The following HPS1 variants were observed in gnomAD, a reference collection of about 807,000 sequenced individuals.
HPS1 encodes the protein HPS1 biogenesis of lysosomal organelles complex 3 subunit 1.
A neutral mutation model predicts 90.6 loss-of-function variants in HPS1; 59 were observed. The observed-to-expected ratio is 0.65, with a 90% CI of 0.53 to 0.81. The LOEUF is 0.81. HPS1 is among the 30% of genes least tolerant of loss of function. The pLI, the probability that HPS1 is intolerant of heterozygous loss-of-function variation, is 0.00. For synonymous variants in HPS1, 388 were observed against 384.4 expected (o/e 1.01, Z -0.11); for missense variants, 849 against 896.7 (o/e 0.95, Z 0.68).
chr10:98,430,729 C>A, intron 7 of HPS1, 59 bp from the exon 8 acceptor site: 1 of 1,413,312 alleles, frequency 7.1e-7, no homozygotes, highest in Non-Finnish European at 9.7e-7. Flanking sequence ...ACGGGGCAGG[C>A]AGGTTAAAGG....
At position 98,423,762 on chromosome 10, in the gene HPS1, C is replaced by T. The variant is rs1238796554; in HGVS notation, c.1523G>A (p.Arg508Lys). 23 of 1,614,038 alleles carry T rather than the reference C, an allele frequency of 1.4e-5. No individual in the cohort carries two copies. In the East Asian group the frequency reaches 5.1e-4, roughly 36 times the overall value. Reference sequence around the variant, plus strand: ...GCCGCACTGCACTTACCGCATGAGCCTCTGCACTTGGTCCTGCAGGTGCTG... The same window carrying T: ...GCCGCACTGCACTTACCGCATGAGCTTCTGCACTTGGTCCTGCAGGTGCTG... ...LPQHLQDQVQ[R>K]LMREKLTDWK... The change falls in exon 15 of 20, where the codon AGG becomes AAG. Residue 508 changes from arginine (R) to lysine (K), a missense_variant. Transcript: ENST00000361490.
rs1845533202 is a variant in HPS1 at position 98,425,831 on chromosome 10, A to T, written c.1142T>A (p.Val381Glu). 6.2e-7 allele frequency: 1 copy of T among 1,613,746 alleles called. No individual in the cohort carries two copies. The highest frequency in any genetic ancestry group is 1.7e-5 in the Admixed American group (1 of 59,996). The change falls in exon 12 of 20, where the codon GTG (valine) becomes GAG (glutamate). Residue 381 changes from valine to glutamate, a missense_variant. Coordinates refer to ENST00000361490, the MANE Select transcript of HPS1 (RefSeq NM_000195.5). ...GGGCTCTCCTACCCTGGTCAGGAGC[A>T]CCAGGTTGATGCCCTGCCACAGGGG... The part of the protein sequence containing the change: ...CLPLWQGINL[V>E]LLTRSPSAPL...
intron 3 of HPS1, chr10:98,442,896 C>T: frequency 1.7e-6 from 1 of 580,130 alleles, no homozygotes; most frequent in East Asian, 3.0e-5. Context: ...CTCATTTAGT[C>T]CAGAGAGGAC....
In HPS1 at chr10:98,422,386, C is replaced by T. The variant is rs1564831743; in HGVS notation, c.1726G>A (p.Ala576Thr). The T allele has an allele frequency of 1.2e-6, 2 of 1,614,020 alleles. No homozygotes were observed. Among genetic ancestry groups the T allele is most frequent in the Non-Finnish European group, 8.5e-7 (1 of 1,180,000 alleles). ...ATGGTTACCTTAGTTTTGACAAAGG[C>T]AGCCAGCGGCCCCTTGCCCAACTCC... ...SSELGKGPLA[A>T]FVKTKVWSLI... is the part of the protein sequence containing the mutation. The change falls in exon 17 of 20, where the codon GCC becomes ACC. Residue 576 changes from alanine (A) to threonine (T), a missense_variant. Physicochemically the swap from Ala to Thr is moderately conservative, Grantham distance 58. Transcript: ENST00000361490.
At chr10:98,433,392 T>C (rs1846800166) in intron 6 of HPS1, among the ~76,000 whole-genome samples, 1 of 152,208 alleles carries the variant, frequency 6.6e-6, no homozygotes. Flanking sequence ...AAAGAGAATT[T>C]GGTTTACCTC....
downstream of HPS1, chr10:98,414,220 T>C (rs1843889001): frequency 6.6e-6 from 1 of 152,110 alleles, no homozygotes; most frequent in African/African-American, 2.4e-5. Context: ...CAAAGCTGCA[T>C]GTTGAGTGCC....
chr10:98,429,858 T>C lies in HPS1; in HGVS notation c.800A>G (p.Asn267Ser). Residue 267 changes from asparagine to serine, a missense_variant, in exon 9 of 20, where the codon AAC becomes AGC. By Grantham distance (46) the Asn-to-Ser change is conservative. Coordinates refer to ENST00000361490, the MANE Select transcript of HPS1 (RefSeq NM_000195.5). The stretch of plus-strand genomic sequence containing the variant: ...GCTCCAGGCCTGCTGCACGGGGATG[T>C]TCTGGCTGCTCCGGGCCCTCCGCGG... ...PSPRRARSSQ[N>S]IPVQQAWSPH... 1.2e-6 allele frequency: 2 copies of C among 1,613,200 alleles called. No individual in the cohort carries two copies. The highest frequency in any genetic ancestry group is 1.7e-6 in the Non-Finnish European group (2 of 1,179,984).
chr10:98,435,170 C>A lies in HPS1; in HGVS notation c.398+102G>T, dbSNP rs1847126091. On this transcript the variant is annotated intron_variant, in intron 5 of 19. Coordinates refer to ENST00000361490, the MANE Select transcript of HPS1 (RefSeq NM_000195.5). The surrounding 1 kb of genome is among the most constrained non-coding windows in gnomAD (Gnocchi z 4.3). Reference sequence around the variant, plus strand: ...TCTGACCTAGGGACCCAGCTGGGGGCAGTATGTGAAAAATGGCAGCTTCAC... The same window carrying A: ...TCTGACCTAGGGACCCAGCTGGGGGAAGTATGTGAAAAATGGCAGCTTCAC... 1.4e-6 allele frequency: 2 copies of A among 1,407,464 alleles called. No individual in the cohort carries two copies. The highest frequency in any genetic ancestry group is 2.0e-6 in the Non-Finnish European group (2 of 996,448). The allele number at this position is 1,407,464 out of a possible 1,614,324, so 87.2% of individuals were successfully genotyped here.
chr10:98,418,450 A>T (rs546159348), intron 18 of HPS1, among the ~76,000 whole-genome samples, 193 bp from the exon 19 acceptor site: 1 of 152,332 alleles, frequency 6.6e-6, no homozygotes, highest in East Asian at 1.9e-4. Context: ...AAAAGTATAC[A>T]AAGCTTCAAG....
At chr10:98,436,948 G>T (rs182053722) in intron 3 of HPS1, among the ~76,000 whole-genome samples, 2 of 152,302 alleles carry the variant, frequency 1.3e-5, no homozygotes, top group East Asian at 3.9e-4. Flanking sequence ...ACTGTACCCA[G>T]CTCCCACAGT....
intron 3 of HPS1, among the ~76,000 whole-genome samples, chr10:98,437,227 G>C (rs1847469970): frequency 6.6e-6 from 1 of 152,076 alleles, no homozygotes; most frequent in Non-Finnish European, 1.5e-5. Context: ...CGAGAGACTG[G>C]CACATGGTAG....
intron 2 of HPS1, among the ~76,000 whole-genome samples, chr10:98,444,133 T>C (rs933133594): frequency 2.6e-5 from 4 of 152,052 alleles, no homozygotes; most frequent in African/African-American, 9.7e-5. Flanking sequence ...AGAAGTTTCA[T>C]TCAAATGCTG....
chr10:98,440,701 T>C (rs1031550117), intron 3 of HPS1, among the ~76,000 whole-genome samples: 3 of 151,678 alleles, frequency 2.0e-5, no homozygotes, highest in Middle Eastern at 3.4e-3. Flanking sequence ...ATTTATATGA[T>C]GAGAAAAGAA....
chr10:98,435,473 T>G lies in HPS1; in HGVS notation c.256-59A>C. The G allele has an allele frequency of 6.2e-7, 1 of 1,613,406 alleles. No individual in the cohort carries two copies. Among genetic ancestry groups the G allele is most frequent in the Non-Finnish European group, 8.5e-7 (1 of 1,179,726 alleles). ...CCAAGGGCACTCCCTTCACCTGCCCTGGTCTCTGCAGACAAGCCAGGGGAG... is the reference window on the plus strand; with the variant it reads ...CCAAGGGCACTCCCTTCACCTGCCCGGGTCTCTGCAGACAAGCCAGGGGAG... On this transcript the variant is annotated intron_variant, in intron 4 of 19. Coordinates refer to ENST00000361490, the MANE Select transcript of HPS1 (RefSeq NM_000195.5). The surrounding 1 kb of genome is among the most constrained non-coding windows in gnomAD (Gnocchi z 4.3).
intron 19 of HPS1, 103 bp downstream of exon 19, chr10:98,418,072 C>T (rs1844341252): frequency 2.5e-6 from 2 of 790,066 alleles, no homozygotes; most frequent in Non-Finnish European, 4.3e-6. Context: ...ATTTCTGGGT[C>T]TGAGGTAGGG....
At chr10:98,431,389 G>T in intron 6 of HPS1, 98 bp from the exon 7 acceptor site, 1 of 1,277,144 alleles carries the variant, frequency 7.8e-7, no homozygotes, top group Non-Finnish European at 1.1e-6. Context: ...TCCACAGTGA[G>T]CTTGGACTCT....
intron 10 of HPS1, chr10:98,429,038 C>T (rs1029324880): frequency 7.0e-5 from 13 of 185,332 alleles, no homozygotes; most frequent in Admixed American, 6.2e-4. Context: ...CATGGGGTTT[C>T]GCCATGTTGG....
chr10:98,421,301 A>C (rs966641243), intron 17 of HPS1, among the ~76,000 whole-genome samples: 3 of 152,264 alleles, frequency 2.0e-5, no homozygotes, highest in Non-Finnish European at 4.4e-5. Context: ...CATTTCTAGG[A>C]ATCCATATTG....
rs749707735 is a variant in HPS1 at position 98,427,179 on chromosome 10, T to A, written c.987+36A>T. 1.2e-5 allele frequency: 19 copies of A among 1,534,808 alleles called. No individual in the cohort carries two copies. The South Asian group carries it at 1.9e-4, about 15-fold the overall frequency. ...CCAATACTCACTGCGGCATCTCAGA[T>A]CAGCTGGCGCCCAGGCAGGCACAGG... On this transcript the variant is annotated intron_variant, in intron 11 of 19. Transcript: ENST00000361490.
Sources: gnomAD v4.1 joint callset for allele counts (sites outside exome capture counted in the v4.1 genomes callset) on GRCh38, gnomAD v4.1.1 for gene constraint, Gnocchi (gnomAD v3.1) non-coding constraint, MANE v1.5 for transcripts, NCBI Gene and HGNC (gene_info 2026-07-23, HGNC 2026-07-21) for gene names.